The following ARHGAP8 variants were observed in gnomAD, a reference collection of about 807,000 sequenced individuals.
ARHGAP8 encodes the protein rho GTPase-activating protein 8.
Under a neutral mutation model 46.1 loss-of-function variants are expected in ARHGAP8, and 62 were observed. The observed-to-expected ratio is 1.34, with a 90% confidence interval of 1.10 to 1.66. ARHGAP8 has a LOEUF of 1.66. ARHGAP8 is among the 40% of genes most tolerant of loss of function. The pLI is 0.00. For missense variants in ARHGAP8, 923 were observed against 568.4 expected (o/e 1.62, Z -6.34); for synonymous variants, 375 against 243.1 (o/e 1.54, Z -5.05).
intron 1 of ARHGAP8, among the ~76,000 whole-genome samples, chr22:44,770,147 G>A (rs1316852915): frequency 1.3e-5 from 2 of 152,142 alleles, no homozygotes; most frequent in Non-Finnish European, 2.9e-5. Context: ...TGGAGACTGA[G>A]GCAGGAGAAT....
intron 7 of ARHGAP8, among the ~76,000 whole-genome samples, chr22:44,836,011 A>G (rs986314323): frequency 4.6e-5 from 7 of 152,076 alleles, no homozygotes; most frequent in African/African-American, 1.7e-4. Flanking sequence ...CGTGTGTGCC[A>G]ATCTGACTTG....
At chr22:44,818,830 G>A (rs981817726) in intron 5 of ARHGAP8, among the ~76,000 whole-genome samples, 6 of 151,700 alleles carry the variant, frequency 4.0e-5, no homozygotes, top group Admixed American at 2.6e-4. Context: ...TCACATAGCC[G>A]GGATTACAGG....
chr22:44,773,298 T>C (rs146142880), intron 1 of ARHGAP8, among the ~76,000 whole-genome samples: 1 of 152,360 alleles, frequency 6.6e-6, no homozygotes, highest in East Asian at 1.9e-4. Context: ...TTTTAATGTC[T>C]GTAGTATCTG....
At chr22:44,825,111 G>C (rs546080693) in intron 6 of ARHGAP8, among the ~76,000 whole-genome samples, 1 of 151,582 alleles carries the variant, frequency 6.6e-6, no homozygotes, top group Non-Finnish European at 1.5e-5. Context: ...CAAAAGGGAC[G>C]AGGTTCCTTT....
At chr22:44,771,903 C>T in intron 1 of ARHGAP8, among the ~76,000 whole-genome samples, 1 of 152,126 alleles carries the variant, frequency 6.6e-6, no homozygotes, top group Non-Finnish European at 1.5e-5. Context: ...CTTTTTCTTC[C>T]TTGTCTTATT....
In ARHGAP8 at chr22:44,845,331, TGAGA is replaced by T. The variant is rs759502919; in HGVS notation, c.664_667del (p.Glu222LysfsTer31). On this transcript the variant is annotated frameshift_variant, in exon 8 of 12. Coordinates refer to ENST00000356099, the MANE Select transcript of ARHGAP8 (RefSeq NM_181335.3). LOFTEE classifies it high-confidence loss of function. The stretch of plus-strand genomic sequence containing the variant: ...GTGCTGAGGTTCACAGTGACGTACC[TGAGA>T]GAGAAAGGTGAGACGGGGCCGGCTC... 4 of 1,613,930 alleles carry T rather than the reference TGAGA, an allele frequency of 2.5e-6. No individual in the cohort carries two copies. Among genetic ancestry groups the T allele is most frequent in the Non-Finnish European group, 3.4e-6 (4 of 1,179,986 alleles).
chr22:44,801,981 CG>C (rs1928588782), intron 2 of ARHGAP8, 95 bp from the exon 3 acceptor site: 1 of 1,463,890 alleles, frequency 6.8e-7, no homozygotes. Flanking sequence ...CCTCCCAGCT[CG>C]GGCTGGACTG....
intron 5 of ARHGAP8, among the ~76,000 whole-genome samples, chr22:44,816,295 A>G (rs921177473): frequency 1.3e-5 from 2 of 152,010 alleles, no homozygotes; most frequent in African/African-American, 2.4e-5. Context: ...CTCGGAATCC[A>G]CACTGTCTCC....
At chr22:44,773,771 T>G (rs1467110275) in intron 1 of ARHGAP8, among the ~76,000 whole-genome samples, 1 of 152,102 alleles carries the variant, frequency 6.6e-6, no homozygotes, top group East Asian at 1.9e-4. Flanking sequence ...TTAGTAGAGA[T>G]AGGGTTTTGC....
At chr22:44,858,228 C>T (rs1199212222) in intron 10 of ARHGAP8, among the ~76,000 whole-genome samples, 3 of 152,174 alleles carry the variant, frequency 2.0e-5, no homozygotes, top group Non-Finnish European at 4.4e-5. Context: ...GTGCAAGGCT[C>T]AGTGGGAGGG....
At chr22:44,793,609 G>T (rs371473666) in intron 2 of ARHGAP8, among the ~76,000 whole-genome samples, 1 of 152,150 alleles carries the variant, frequency 6.6e-6, no homozygotes, top group African/African-American at 2.4e-5. Flanking sequence ...ATCGCCGTCC[G>T]CTGGGAGAGA....
chr22:44,841,806 G>A (rs136675), intron 7 of ARHGAP8, among the ~76,000 whole-genome samples: 40,738 of 152,072 alleles, frequency 0.27, 6,132 homozygotes, highest in Non-Finnish European at 0.32. Flanking sequence ...GGTATATGTT[G>A]TGTCTGCTCA....
intron 10 of ARHGAP8, among the ~76,000 whole-genome samples, chr22:44,851,794 A>G (rs2070100814): frequency 6.6e-6 from 1 of 152,056 alleles, no homozygotes; most frequent in Non-Finnish European, 1.5e-5. Context: ...AGCCATGATC[A>G]CACCACTGTA....
intron 5 of ARHGAP8, among the ~76,000 whole-genome samples, chr22:44,816,138 G>A (rs1010423636): frequency 2.1e-5 from 3 of 142,314 alleles, no homozygotes; most frequent in South Asian, 2.3e-4. Context: ...CTCCCCCCTC[G>A]GCTCCTTCCA....
chr22:44,841,659 G>A (rs1220459264), intron 7 of ARHGAP8, among the ~76,000 whole-genome samples: 1 of 152,210 alleles, frequency 6.6e-6, no homozygotes, highest in African/African-American at 2.4e-5. Flanking sequence ...AGGTAGACAG[G>A]CCAGCAGGGG....
intron 1 of ARHGAP8, among the ~76,000 whole-genome samples, chr22:44,756,176 G>C (rs2146980548): frequency 6.6e-6 from 1 of 152,234 alleles, no homozygotes; most frequent in East Asian, 1.9e-4. Flanking sequence ...GAAGGAACTG[G>C]TTGGGCAGGT....
chr22:44,780,546 CAGCT>C (rs988901185), intron 1 of ARHGAP8, among the ~76,000 whole-genome samples: 34 of 151,780 alleles, frequency 2.2e-4, no homozygotes, highest in African/African-American at 7.0e-4. Flanking sequence ...CCTGTAGTCC[CAGCT>C]ACTCAGGAGG....
At chr22:44,759,399 G>A (rs1162613290) in intron 1 of ARHGAP8, among the ~76,000 whole-genome samples, 1 of 152,222 alleles carries the variant, frequency 6.6e-6, no homozygotes, top group Non-Finnish European at 1.5e-5. Context: ...GGCACCTGGA[G>A]CATCAGGACG....
intron 10 of ARHGAP8, among the ~76,000 whole-genome samples, chr22:44,859,306 G>T (rs112230972): frequency 3.0e-4 from 45 of 152,162 alleles, no homozygotes; most frequent in Non-Finnish European, 4.4e-4. Context: ...TGCTGTCCTC[G>T]AGATAGTGAG....
Sources: gnomAD v4.1 joint callset for allele counts (sites outside exome capture counted in the v4.1 genomes callset) on GRCh38, gnomAD v4.1.1 for gene constraint, MANE v1.5 for transcripts, NCBI Gene and HGNC (gene_info 2026-07-23, HGNC 2026-07-21) for gene names.